CGGBP1: variants seen among roughly 807,000 people sequenced by gnomAD.
CGGBP1 encodes the protein CGG triplet repeat-binding protein 1.
CGGBP1 carries 4 observed loss-of-function variants against 11.4 expected under a neutral mutation model. The observed-to-expected ratio is 0.35, with a 90% CI of 0.17 to 0.80. CGGBP1 has a LOEUF of 0.80. Ranked by LOEUF, CGGBP1 falls within the 30% of genes least tolerant of loss-of-function variation. CGGBP1 has a pLI of 0.52. For missense variants in CGGBP1, 135 were observed against 202.1 expected, an observed-to-expected ratio of 0.67 and a Z score of 2.01; for synonymous variants, 76 against 74.1, an observed-to-expected ratio of 1.03 and a Z score of -0.13.
At chr3:88,088,003 T>G (rs1708426630) in intron 2 of CGGBP1, among the ~76,000 whole-genome samples, 1 of 152,204 alleles carries the variant, frequency 6.6e-6, no homozygotes, top group Non-Finnish European at 1.5e-5. Flanking sequence ...AATCAGTAAG[T>G]ATAAATACAA....
At chr3:88,103,385 G>A (rs1205586900) in intron 2 of CGGBP1, among the ~76,000 whole-genome samples, 1 of 152,146 alleles carries the variant, frequency 6.6e-6, no homozygotes, top group Non-Finnish European at 1.5e-5. Context: ...TAGACTTAAT[G>A]CAGCTAAAGA....
At chr3:88,132,300 A>G (rs1448389724) in intron 2 of CGGBP1, among the ~76,000 whole-genome samples, 1 of 152,186 alleles carries the variant, frequency 6.6e-6, no homozygotes, top group African/African-American at 2.4e-5. Context: ...TCCAGAAAGT[A>G]GATGACTTAA....
intron 2 of CGGBP1, among the ~76,000 whole-genome samples, chr3:88,071,148 A>G (rs1048904475): frequency 4.6e-5 from 7 of 152,200 alleles, no homozygotes; most frequent in African/African-American, 1.4e-4. Context: ...ATCTAAAACT[A>G]TATTATGCAG....
intron 2 of CGGBP1, among the ~76,000 whole-genome samples, chr3:88,131,562 T>C (rs1706466541): frequency 6.6e-6 from 1 of 152,214 alleles, no homozygotes; most frequent in African/African-American, 2.4e-5. Context: ...TTTCTTATTC[T>C]CTTGGTAACC....
At chr3:88,059,158 C>A, upstream of CGGBP1, 4 of 1,329,876 alleles carry the variant, frequency 3.0e-6, no homozygotes, top group South Asian at 6.1e-5. Flanking sequence ...AAACTGGGGG[C>A]GTGGGTGGGC....
In CGGBP1 at chr3:88,054,748, G is replaced by T. The variant is rs368523430; in HGVS notation, c.*725C>A. The stretch of plus-strand genomic sequence containing the variant: ...ATGCTTAAAATGAAAGCTATGGTTC[G>T]AAATTAGTATTCATAGTAAGAGACT... On this transcript the variant is annotated 3_prime_UTR_variant, in exon 4 of 4. Transcript: ENST00000482016. 6.6e-6 allele frequency: 1 copy of T among 152,532 alleles called. No individual in the cohort carries two copies. The highest frequency in any genetic ancestry group is 2.4e-5 in the African/African-American group (1 of 41,426). The allele number at this position is 152,532 out of a possible 1,614,324, so 9.4% of individuals were successfully genotyped here.
chr3:88,116,551 T>C (rs28472694), intron 2 of CGGBP1, among the ~76,000 whole-genome samples: 1 of 24,012 alleles, frequency 4.2e-5, no homozygotes, highest in Admixed American at 6.8e-4. Flanking sequence ...CATACATACA[T>C]ACATATATAT....
chr3:88,120,768 CTA>C (rs1322878475), intron 2 of CGGBP1, among the ~76,000 whole-genome samples: 1 of 151,138 alleles, frequency 6.6e-6, no homozygotes, highest in East Asian at 2.0e-4. Flanking sequence ...AAGGATGAAA[CTA>C]AAATAATGTT....
In CGGBP1 at chr3:88,054,270, C is replaced by CTGAT. The variant is rs1706490776; in HGVS notation, c.*1199_*1202dup. ...TTTTTAAAAAATATAATTTGGGTCT[C>CTGAT]TGATAGAACTTAGCTGGGCTAAGCT... On this transcript the variant is annotated 3_prime_UTR_variant, in exon 4 of 4. Coordinates refer to ENST00000482016, the MANE Select transcript of CGGBP1 (RefSeq NM_001008390.2). 1 of 152,494 alleles carries CTGAT rather than the reference C, an allele frequency of 6.6e-6. No individual in the cohort carries two copies. Among genetic ancestry groups the CTGAT allele is most frequent in the Non-Finnish European group, 1.5e-5 (1 of 68,010 alleles). 9.4% of individuals were successfully genotyped at this position (152,494 alleles called of 1,614,324 possible). A position where few individuals can be genotyped will look rare whatever the true frequency, so the allele number is the denominator to read the frequency against.
chr3:88,113,308 A>G, intron 2 of CGGBP1: 1 of 587,240 alleles, frequency 1.7e-6, no homozygotes, highest in Non-Finnish European at 2.8e-6. Context: ...AATGATTGCT[A>G]AGGTGACAGT....
chr3:88,059,757 A>G (rs888361717), upstream of CGGBP1, among the ~76,000 whole-genome samples: 22 of 151,930 alleles, frequency 1.4e-4, no homozygotes, highest in African/African-American at 5.1e-4. Flanking sequence ...GAAAGAAGGA[A>G]GGTCGGCTGT....
chr3:88,120,963 T>C (rs1705734913), intron 2 of CGGBP1, among the ~76,000 whole-genome samples: 1 of 152,050 alleles, frequency 6.6e-6, no homozygotes, highest in Non-Finnish European at 1.5e-5. Flanking sequence ...TGTCTGAGCA[T>C]TAGGACAAGT....
chr3:88,132,036 G>C (rs1576343124), intron 2 of CGGBP1, among the ~76,000 whole-genome samples: 1 of 152,052 alleles, frequency 6.6e-6, no homozygotes, highest in Non-Finnish European at 1.5e-5. Flanking sequence ...GCAAATGTTT[G>C]CTGAGTGCTT....
intron 1 of CGGBP1, among the ~76,000 whole-genome samples, chr3:88,148,203 TC>T (rs909270337): frequency 1.3e-5 from 2 of 152,214 alleles, no homozygotes; most frequent in Non-Finnish European, 2.9e-5. Context: ...TTTATTTTTT[TC>T]CATAGCATCT....
intron 2 of CGGBP1, among the ~76,000 whole-genome samples, chr3:88,083,252 T>TTAAGTTAAA (rs1708173707): frequency 6.6e-6 from 1 of 152,244 alleles, no homozygotes. Flanking sequence ...TTAGATGATA[T>TTAAGTTAAA]ATTTTAGTGT....
chr3:88,095,067 A>G (rs1459765915), intron 2 of CGGBP1, among the ~76,000 whole-genome samples: 1 of 152,154 alleles, frequency 6.6e-6, no homozygotes, highest in African/African-American at 2.4e-5. Context: ...TAAGCAAATC[A>G]TATATTTTTA....
chr3:88,108,373 C>A (rs1421779109), intron 2 of CGGBP1, among the ~76,000 whole-genome samples: 1 of 152,004 alleles, frequency 6.6e-6, no homozygotes, highest in Admixed American at 6.6e-5. Context: ...ATTAAAGGTA[C>A]CTAGTGACTC....
intron 2 of CGGBP1, among the ~76,000 whole-genome samples, chr3:88,078,950 T>A (rs1475609120): frequency 6.6e-6 from 1 of 152,090 alleles, no homozygotes; most frequent in East Asian, 1.9e-4. Flanking sequence ...AACTAACTTT[T>A]CAGATTTATA....
intron 2 of CGGBP1, among the ~76,000 whole-genome samples, chr3:88,082,346 C>T (rs1246613083): frequency 3.9e-5 from 6 of 152,146 alleles, no homozygotes; most frequent in East Asian, 1.9e-4. Flanking sequence ...AGGATGGTCT[C>T]GATCTCTTGA....
Sources: gnomAD v4.1 joint callset for allele counts (sites outside exome capture counted in the v4.1 genomes callset) on GRCh38, gnomAD v4.1.1 for gene constraint, MANE v1.5 for transcripts, NCBI Gene and HGNC (gene_info 2026-07-23, HGNC 2026-07-21) for gene names.